Variants in EDC3 observed in about 807,000 individuals in gnomAD.
The protein encoded by EDC3 is enhancer of mRNA decapping 3.
In EDC3, 20 loss-of-function variants were observed where a neutral mutation model predicts 41.8. The ratio of observed to expected loss-of-function variants is 0.48; its 90% CI spans 0.34 to 0.70. The LOEUF is 0.70. Among genes scored for constraint, EDC3 ranks in the 30% least tolerant of loss-of-function variants. EDC3 has a pLI of 0.01. For synonymous variants in EDC3, 206 were observed against 243.2 expected (o/e 0.85, Z 1.42); for missense variants, 444 against 636.8 (o/e 0.70, Z 3.26).
intron 3 of EDC3, among the ~76,000 whole-genome samples, chr15:74,669,833 T>C (rs931604799): frequency 2.6e-5 from 4 of 152,032 alleles, no homozygotes; most frequent in African/African-American, 9.7e-5. Flanking sequence ...TAATGAATAC[T>C]CATTTAAAAT....
At chr15:74,678,967 G>C (rs2062838771) in intron 1 of EDC3, among the ~76,000 whole-genome samples, 1 of 150,676 alleles carries the variant, frequency 6.6e-6, no homozygotes, top group Non-Finnish European at 1.5e-5. Flanking sequence ...GAGGAGGGTA[G>C]ATCACTTGAG....
At chr15:74,642,398 C>G (rs1176647797) in intron 4 of EDC3, 2 of 152,212 alleles carry the variant, frequency 1.3e-5, no homozygotes, top group Non-Finnish European at 2.9e-5. Flanking sequence ...GTGCTGGAGG[C>G]TGCAGACTGA....
In EDC3 at chr15:74,686,344, G is replaced by A. The variant is rs964727524; in HGVS notation, c.-19+9536C>T. Among the ~76,000 whole-genome samples, 6 of 149,870 alleles carry A rather than the reference G, an allele frequency of 4.0e-5. No homozygotes were observed. In the East Asian group the frequency reaches 9.8e-4, roughly 24 times the overall value. Reference sequence around the variant, plus strand: ...CGGTCTCAAAAAAAAAAAATTAGCCGGGCATGGTGGTGCATGCCTGTAATC... The same window carrying A: ...CGGTCTCAAAAAAAAAAAATTAGCCAGGCATGGTGGTGCATGCCTGTAATC... On this transcript the variant is annotated intron_variant, in intron 1 of 6. Transcript: ENST00000315127.
chr15:74,670,434 T>C (rs2062726371), intron 3 of EDC3, among the ~76,000 whole-genome samples: 1 of 152,144 alleles, frequency 6.6e-6, no homozygotes, highest in Non-Finnish European at 1.5e-5. Context: ...TTTTATTTTA[T>C]ATTATTTATT....
At position 74,680,549 on chromosome 15, in the gene EDC3, A is replaced by C. The variant is rs2062860033; in HGVS notation, c.-18-5407T>G. Among the ~76,000 whole-genome samples the C allele has an allele frequency of 2.6e-5, 4 of 152,210 alleles. No homozygotes were observed. The South Asian group carries it at 8.3e-4, about 31-fold the overall frequency. On this transcript the variant is annotated intron_variant, in intron 1 of 6. Transcript: ENST00000315127. ...AAGTCCCTACAGCTAACATTATACT[A>C]AATGGTGAAAGACTGAATGCTTTCC...
intron 4 of EDC3, among the ~76,000 whole-genome samples, chr15:74,651,731 T>C (rs1007477343): frequency 6.6e-6 from 1 of 152,238 alleles, no homozygotes; most frequent in Non-Finnish European, 1.5e-5. Flanking sequence ...TTCTGTAAAC[T>C]GCTGGTCCAT....
At chr15:74,652,364 A>C (rs1356150607) in intron 4 of EDC3, among the ~76,000 whole-genome samples, 3 of 151,748 alleles carry the variant, frequency 2.0e-5, no homozygotes, top group African/African-American at 7.3e-5. Flanking sequence ...AGTAGCTGGG[A>C]CTACAGGCGC....
At chr15:74,686,591 C>T (rs1343607730) in intron 1 of EDC3, among the ~76,000 whole-genome samples, 1 of 151,870 alleles carries the variant, frequency 6.6e-6, no homozygotes, top group Non-Finnish European at 1.5e-5. Flanking sequence ...ACCAGCCTGG[C>T]CAACATGGTG....
intron 3 of EDC3, among the ~76,000 whole-genome samples, chr15:74,662,038 TCTTA>T (rs1391227083): frequency 6.6e-6 from 1 of 152,206 alleles, no homozygotes; most frequent in Non-Finnish European, 1.5e-5. Flanking sequence ...AAATACTGTA[TCTTA>T]CTTTTTATGG....
intron 5 of EDC3, chr15:74,637,270 G>C (rs1596300440): frequency 6.6e-6 from 1 of 152,216 alleles, no homozygotes; most frequent in Non-Finnish European, 1.5e-5. Flanking sequence ...GACACTAAGA[G>C]AAAAGACTGG....
chr15:74,689,111 C>T (rs952235280), intron 1 of EDC3, among the ~76,000 whole-genome samples: 15 of 152,042 alleles, frequency 9.9e-5, no homozygotes, highest in South Asian at 2.1e-4. Context: ...TATATTTCTG[C>T]GATGGACAAA....
At chr15:74,674,461 T>C (rs2062777918) in intron 2 of EDC3, among the ~76,000 whole-genome samples, 1 of 152,270 alleles carries the variant, frequency 6.6e-6, no homozygotes, top group South Asian at 2.1e-4. Flanking sequence ...ATTTGGCCAT[T>C]AGGTTATTTG....
intron 1 of EDC3, among the ~76,000 whole-genome samples, chr15:74,676,430 C>T (rs60383087): frequency 6.6e-6 from 1 of 151,924 alleles, no homozygotes. Context: ...AAAAATAAAA[C>T]AAAAATTAGC....
chr15:74,651,121 A>G (rs1404983286), intron 4 of EDC3, among the ~76,000 whole-genome samples: 1 of 152,270 alleles, frequency 6.6e-6, no homozygotes, highest in East Asian at 1.9e-4. Flanking sequence ...CTCACCACTG[A>G]ACACAGAGTG....
At chr15:74,656,134 C>CATT (rs2062545910) in intron 3 of EDC3, 66 bp from the exon 4 acceptor site, 1 of 1,427,056 alleles carries the variant, frequency 7.0e-7, no homozygotes, top group South Asian at 1.3e-5. Context: ...GTGGAAAATA[C>CATT]ATTAGTCTTT....
At chr15:74,637,486 T>C (rs767398849) in intron 5 of EDC3, 1 of 152,218 alleles carries the variant, frequency 6.6e-6, no homozygotes, top group Non-Finnish European at 1.5e-5. Context: ...TACCCCCTCC[T>C]GTAGGCATTT....
intron 1 of EDC3, among the ~76,000 whole-genome samples, chr15:74,690,518 G>A (rs1224582331): frequency 6.6e-6 from 1 of 152,098 alleles, no homozygotes; most frequent in Non-Finnish European, 1.5e-5. Context: ...AACAACCCTT[G>A]GCCTGCTAAA....
intron 6 of EDC3, 110 bp from the exon 7 acceptor site, chr15:74,633,056 C>T (rs1263919707): frequency 2.7e-6 from 3 of 1,127,234 alleles, no homozygotes; most frequent in South Asian, 1.5e-5. Context: ...AGACACCACT[C>T]GAATGCCTCT....
chr15:74,683,077 C>T (rs988874748), intron 1 of EDC3, among the ~76,000 whole-genome samples: 8 of 152,106 alleles, frequency 5.3e-5, no homozygotes, highest in Non-Finnish European at 8.8e-5. Flanking sequence ...CACATTTACT[C>T]AAAAAAGCCA....
Sources: allele counts gnomAD v4.1 joint callset (sites outside exome capture counted in the v4.1 genomes callset), GRCh38; gene constraint gnomAD v4.1.1; transcripts MANE v1.5; gene names NCBI Gene and HGNC (gene_info 2026-07-23, HGNC 2026-07-21).